Variants in TRABD observed in about 807,000 individuals in gnomAD.
The protein encoded by TRABD is TraB domain containing.
In TRABD, 23 loss-of-function variants were observed where a neutral mutation model predicts 39.6. That is an observed-to-expected ratio of 0.58 (90% CI 0.42 to 0.82). The LOEUF is 0.82. Ranked by LOEUF, TRABD falls within the 40% of genes least tolerant of loss-of-function variation. The pLI is 0.00. For synonymous variants in TRABD, 243 were observed against 232.1 expected (o/e 1.05, Z -0.43); for missense variants, 487 against 544.9 (o/e 0.89, Z 1.06).
Position 50,194,618 on chromosome 22 carries a change from C to T in TRABD, c.279+112C>T, listed in dbSNP as rs895662635. The stretch of plus-strand genomic sequence containing the variant: ...GTGCCCGTGTGTGCGCACCGCAGGC[C>T]TCCTGCTTCAACACTGTGGTCCCTG... On this transcript the variant is annotated intron_variant, in intron 4 of 9. Coordinates refer to ENST00000380909, the MANE Select transcript of TRABD (RefSeq NM_001320485.2). 8 of 1,476,004 alleles carry T rather than the reference C, an allele frequency of 5.4e-6. No homozygotes were observed. In the South Asian group the frequency reaches 8.9e-5, roughly 16 times the overall value. The allele number at this position is 1,476,004 out of a possible 1,614,324, so 91.4% of individuals were successfully genotyped here.
rs1418076339 is a variant in TRABD at position 50,198,926 on chromosome 22, G to A, written c.*407G>A. Reference sequence around the variant, plus strand: ...CGGCCACAGGAGCGTCGGCCCAGGGGCGGCTCCTGGGGGCTCCAGGGCAGG... The same window carrying A: ...CGGCCACAGGAGCGTCGGCCCAGGGACGGCTCCTGGGGGCTCCAGGGCAGG... On this transcript the variant is annotated 3_prime_UTR_variant, in exon 10 of 10. Transcript: ENST00000380909. This position sits in a 1 kb window ranked among gnomAD's most constrained non-coding sequence, Gnocchi z 7.9. 8.5e-6 allele frequency: 5 copies of A among 589,910 alleles called. No individual in the cohort carries two copies. Among genetic ancestry groups the A allele is most frequent in the Admixed American group, 3.1e-5 (1 of 32,532 alleles). The allele number at this position is 589,910 out of a possible 1,614,324, so 36.5% of individuals were successfully genotyped here.
In TRABD at chr22:50,199,258, G is replaced by C. The variant is rs2064240928; in HGVS notation, c.*739G>C. On this transcript the variant is annotated 3_prime_UTR_variant, in exon 10 of 10. Transcript: ENST00000380909. ...CAGGCGTGGCCTCAGCTGGGAGCCT[G>C]TGTCCTGAGCCCCCGGAGCGAAGGG... is the stretch of plus-strand genomic sequence containing the variant. 3 of 638,094 alleles carry C rather than the reference G, an allele frequency of 4.7e-6. No homozygotes were observed. In the Admixed American group the frequency reaches 7.7e-5, roughly 16 times the overall value. The allele number at this position is 638,094 out of a possible 1,614,324, so 39.5% of individuals were successfully genotyped here.
Position 50,198,695 on chromosome 22 carries a change from A to T in TRABD, c.*176A>T, listed in dbSNP as rs1246611454. 7 of 612,790 alleles carry T rather than the reference A, an allele frequency of 1.1e-5. No individual in the cohort carries two copies. The highest frequency in any genetic ancestry group is 1.6e-5 in the Non-Finnish European group (6 of 372,394). The allele number at this position is 612,790 out of a possible 1,614,324, so 38.0% of individuals were successfully genotyped here. On this transcript the variant is annotated 3_prime_UTR_variant, in exon 10 of 10. Coordinates refer to ENST00000380909, the MANE Select transcript of TRABD (RefSeq NM_001320485.2). This position sits in a 1 kb window ranked among gnomAD's most constrained non-coding sequence, Gnocchi z 7.9. ...CTCCCCCAGCCCACCCAAATAAAGG[A>T]TTATTTAACTGTCTGAGCTCAGGCC...
At position 50,194,411 on chromosome 22, in the gene TRABD, C is replaced by G. The variant is rs747523589; in HGVS notation, c.184C>G (p.Arg62Gly). 1 of 1,612,924 alleles carries G rather than the reference C, an allele frequency of 6.2e-7. No individual in the cohort carries two copies. The highest frequency in any genetic ancestry group is 1.1e-5 in the South Asian group (1 of 91,058). Residue 62 changes from arginine to glycine, a missense_variant, in exon 4 of 10, where the codon CGC becomes GGC. Around this residue, in one of 3 missense-constraint regions of TRABD, gnomAD observed 358 missense variants for 414.7 expected, o/e 0.86. Coordinates refer to ENST00000380909, the MANE Select transcript of TRABD (RefSeq NM_001320485.2). ...KRRRQRPNLP[R>G]TVTQLVAEDG... ...GCGGCGTCAGCGGCCCAACCTGCCGCGCACTGTGACCCAGTTGGTGGCTGA... is the reference window on the plus strand; with the variant it reads ...GCGGCGTCAGCGGCCCAACCTGCCGGGCACTGTGACCCAGTTGGTGGCTGA...
Position 50,197,786 on chromosome 22 carries a change from CCCATCCCTGCGGGGCTGCAG to C in TRABD, c.672-28_672-9del, listed in dbSNP as rs1569090794. 3.5e-6 allele frequency: 2 copies of C among 567,150 alleles called. No individual in the cohort carries two copies. Among genetic ancestry groups the C allele is most frequent in the South Asian group, 1.4e-5 (1 of 70,834 alleles). The allele number at this position is 567,150 out of a possible 1,614,324, so 35.1% of individuals were successfully genotyped here. On this transcript the variant is annotated splice_polypyrimidine_tract_variant and intron_variant, in intron 7 of 9. Transcript: ENST00000380909. ...CCAGCCCCACCCCCCCAGCCCGTTG[CCCATCCCTGCGGGGCTGCAG>C]CCATCCCTCTCCACAGCAAGGATGA...
intron 7 of TRABD, 35 bp from the exon 8 acceptor site, chr22:50,197,788 C>T (rs2064172506): frequency 1.1e-5 from 18 of 1,590,604 alleles, no homozygotes; most frequent in Non-Finnish European, 1.5e-5. Flanking sequence ...GCCCGTTGCC[C>T]ATCCCTGCGG....
chr22:50,195,212 C>T (rs2064057516), intron 5 of TRABD, among the ~76,000 whole-genome samples, 172 bp downstream of exon 5: 1 of 152,314 alleles, frequency 6.6e-6, no homozygotes, highest in Non-Finnish European at 1.5e-5. Flanking sequence ...ATGAAAGAGG[C>T]TCCATTACCC....
intron 5 of TRABD, 41 bp from the exon 6 acceptor site, chr22:50,197,200 C>A (rs540139624): frequency 1.3e-6 from 2 of 1,588,928 alleles, no homozygotes; most frequent in African/African-American, 1.4e-5. Flanking sequence ...CGCACCCCCG[C>A]ACCCGCCCCT....
At chr22:50,187,517 G>A (rs1223948690) in intron 1 of TRABD, among the ~76,000 whole-genome samples, 1 of 152,252 alleles carries the variant, frequency 6.6e-6, no homozygotes, top group Non-Finnish European at 1.5e-5. Flanking sequence ...GGTTGGTTGA[G>A]AGATGGGGGT....
Position 50,198,941 on chromosome 22 carries a change from T to C in TRABD, c.*422T>C, listed in dbSNP as rs1201555287. On this transcript the variant is annotated 3_prime_UTR_variant, in exon 10 of 10. Coordinates refer to ENST00000380909, the MANE Select transcript of TRABD (RefSeq NM_001320485.2). This position sits in a 1 kb window ranked among gnomAD's most constrained non-coding sequence, Gnocchi z 7.9. ...CGGCCCAGGGGCGGCTCCTGGGGGCTCCAGGGCAGGCGAGACTGGGAAAGG... is the reference window on the plus strand; with the variant it reads ...CGGCCCAGGGGCGGCTCCTGGGGGCCCCAGGGCAGGCGAGACTGGGAAAGG... 1 of 597,488 alleles carries C rather than the reference T, an allele frequency of 1.7e-6. No individual in the cohort carries two copies. The highest frequency in any genetic ancestry group is 3.1e-6 in the Non-Finnish European group (1 of 327,774). 37.0% of individuals were successfully genotyped at this position (597,488 alleles called of 1,614,324 possible).
chr22:50,187,842 T>C (rs1319869116), intron 1 of TRABD, among the ~76,000 whole-genome samples: 1 of 151,334 alleles, frequency 6.6e-6, no homozygotes, highest in Non-Finnish European at 1.5e-5. Context: ...TAGCTGGGTG[T>C]AGTGGCAGGC....
Position 50,198,459 on chromosome 22 carries a change from C to A in TRABD, c.1071C>A (p.Val357=). The A allele has an allele frequency of 6.3e-7, 1 of 1,595,592 alleles. No homozygotes were observed. Among genetic ancestry groups the A allele is most frequent in the Non-Finnish European group, 8.5e-7 (1 of 1,176,844 alleles). The change falls in exon 10 of 10, where the codon GTC becomes GTA. Residue 357 remains valine, a synonymous_variant. Transcript: ENST00000380909. The surrounding 1 kb of genome is among the most constrained non-coding windows in gnomAD (Gnocchi z 7.9). The part of the protein sequence containing the change: ...YWMGRRTASL[V]LSLPAAQYCL... ...TGGGCCGCCGCACCGCGAGCCTGGT[C>A]CTGTCGCTGCCCGCCGCGCAGTACT...
At chr22:50,189,813 C>T (rs928481778) in intron 1 of TRABD, among the ~76,000 whole-genome samples, 4 of 151,118 alleles carry the variant, frequency 2.6e-5, no homozygotes, top group East Asian at 2.0e-4. Context: ...GTGTGCTGGC[C>T]GGACCCCAGG....
At chr22:50,191,600 G>C (rs1159871859) in intron 1 of TRABD, 1 of 152,212 alleles carries the variant, frequency 6.6e-6, no homozygotes, top group South Asian at 2.1e-4. Context: ...TGCAGAACCC[G>C]GCAGTGGCCC....
At chr22:50,197,682 C>A in intron 7 of TRABD, 94 bp downstream of exon 7, 1 of 1,576,176 alleles carries the variant, frequency 6.3e-7, no homozygotes. Flanking sequence ...CCAATCCTCA[C>A]TCAAGGCCTT....
In TRABD at chr22:50,199,423, C is replaced by G; in HGVS notation, c.*904C>G. ...TCTGTGTGCGGGGCCTCCCTCCTGG[C>G]TGTCCAGGACACAGCCCGTGCAGCC... On this transcript the variant is annotated 3_prime_UTR_variant, in exon 10 of 10. Coordinates refer to ENST00000380909, the MANE Select transcript of TRABD (RefSeq NM_001320485.2). 1 of 324,718 alleles carries G rather than the reference C, an allele frequency of 3.1e-6. No homozygotes were observed. The highest frequency in any genetic ancestry group is 5.7e-6 in the Non-Finnish European group (1 of 175,726). The allele number at this position is 324,718 out of a possible 1,614,324, so 20.1% of individuals were successfully genotyped here.
Position 50,197,947 on chromosome 22 carries a change from A to C in TRABD, c.796A>C (p.Met266Leu). 2 of 1,612,674 alleles carry C rather than the reference A, an allele frequency of 1.2e-6. No individual in the cohort carries two copies. Among genetic ancestry groups the C allele is most frequent in the East Asian group, 2.2e-5 (1 of 44,842 alleles). The part of the protein sequence containing the change: ...VSERDVYLTY[M>L]LRQAARRLEL... ...GGAGCGCGACGTCTACCTAACCTAC[A>C]TGCTGCGCCAGGCCGCGCGGCGCCT... Residue 266 changes from methionine (M) to leucine (L), a missense_variant, in exon 8 of 10, where the codon ATG becomes CTG. Coordinates refer to ENST00000380909, the MANE Select transcript of TRABD (RefSeq NM_001320485.2).
chr22:50,192,735 C>A (rs1473134697), intron 1 of TRABD, among the ~76,000 whole-genome samples: 1 of 14,892 alleles, frequency 6.7e-5, no homozygotes, highest in Non-Finnish European at 1.1e-4. Context: ...TTGGGCAGCT[C>A]TGGCCCTGTT....
chr22:50,195,485 C>CAA (rs1044671406), intron 5 of TRABD, among the ~76,000 whole-genome samples: 21 of 150,886 alleles, frequency 1.4e-4, no homozygotes, highest in Non-Finnish European at 2.5e-4. Flanking sequence ...TTTTTTGAGA[C>CAA]AGAGTCTCGC....
Sources: gnomAD v4.1 joint callset for allele counts (sites outside exome capture counted in the v4.1 genomes callset) on GRCh38, gnomAD v4.1.1 for gene constraint, gnomAD v4.1.1 regional missense constraint, Gnocchi (gnomAD v3.1) non-coding constraint, MANE v1.5 for transcripts, NCBI Gene and HGNC (gene_info 2026-07-23, HGNC 2026-07-21) for gene names.